ZNF589: variants seen among roughly 807,000 people sequenced by gnomAD.
ZNF589 encodes KRAB-zinc finger protein SZF1-1.
Under a neutral mutation model 13.6 loss-of-function variants are expected in ZNF589, and 17 were observed. The observed-to-expected ratio is 1.25, with a 90% confidence interval of 0.86 to 1.88. ZNF589 has a LOEUF of 1.88. Among genes scored for constraint, ZNF589 ranks in the 40% most tolerant of loss-of-function variants. ZNF589 has a pLI of 0.00. For missense variants in ZNF589, 407 were observed against 434.0 expected (o/e 0.94, Z 0.55); for synonymous variants, 148 against 161.6 (o/e 0.92, Z 0.64).
rs550291779 is a variant in ZNF589, at chr3:48,244,147, A to AT, written c.43+2940dup. 2.0e-3 allele frequency among the ~76,000 whole-genome samples: 308 copies of AT among 152,048 alleles called. 3 individuals are homozygous for AT. Among genetic ancestry groups the AT allele is most frequent in the African/African-American group, 6.9e-3 (286 of 41,452 alleles). ...TGTGTGAGGTTACTCTGTGTCCCTC[A>AT]TTTTTTTCCCACCTGCTCAGTGGGA... On this transcript the variant is annotated intron_variant, in intron 1 of 3. Transcript: ENST00000354698.
intron 3 of ZNF589, among the ~76,000 whole-genome samples, chr3:48,262,574 C>T (rs1327975590): frequency 6.6e-6 from 1 of 152,106 alleles, no homozygotes; most frequent in South Asian, 2.1e-4. Flanking sequence ...AACACCTAGT[C>T]CATGTTCAAA....
chr3:48,241,773 G>A (rs1320785599), intron 1 of ZNF589, among the ~76,000 whole-genome samples: 2 of 151,792 alleles, frequency 1.3e-5, no homozygotes, highest in East Asian at 3.9e-4. Flanking sequence ...CTCGTGATCC[G>A]CCCACCTCGG....
At chr3:48,256,926 C>T (rs1254305953) in intron 2 of ZNF589, 2 of 688,122 alleles carry the variant, frequency 2.9e-6, no homozygotes, top group Non-Finnish European at 2.6e-6. Context: ...ACCAGAGCCT[C>T]AAAGGCCGCC....
Position 48,270,256 on chromosome 3 carries a change from C to G in ZNF589, c.*1470C>G, listed in dbSNP as rs1250905135. ...TTACCAGGTCCCCTTCCTAACCCTC[C>G]AGTCCCAAATCCAAGATTCTTTAAC... On this transcript the variant is annotated 3_prime_UTR_variant, in exon 4 of 4. Transcript: ENST00000354698. The G allele has an allele frequency of 2.2e-6, 1 of 457,006 alleles. No individual in the cohort carries two copies. The highest frequency in any genetic ancestry group is 2.3e-5 in the Admixed American group (1 of 42,554). 28.3% of individuals were successfully genotyped at this position (457,006 alleles called of 1,614,324 possible).
chr3:48,247,221 G>T (rs1457905728), intron 1 of ZNF589, among the ~76,000 whole-genome samples: 1 of 151,610 alleles, frequency 6.6e-6, no homozygotes, highest in Non-Finnish European at 1.5e-5. Context: ...TCATCTGCCT[G>T]CCTCGGCCTC....
At chr3:48,248,926 G>A (rs750472297) in intron 2 of ZNF589, among the ~76,000 whole-genome samples, 5 of 152,096 alleles carry the variant, frequency 3.3e-5, no homozygotes, top group Non-Finnish European at 5.9e-5. Flanking sequence ...GACATAGTAG[G>A]CACACCATTC....
Position 48,270,495 on chromosome 3 carries a change from C to T in ZNF589, c.*1709C>T, listed in dbSNP as rs2034078426. ...TTACATCCAGGAATGGTGCCAGGGC[C>T]TTTAGCCATTTGTCTCTCCTCACAC... On this transcript the variant is annotated 3_prime_UTR_variant, in exon 4 of 4. Transcript: ENST00000354698. 1 of 353,006 alleles carries T rather than the reference C, an allele frequency of 2.8e-6. No individual in the cohort carries two copies. The highest frequency in any genetic ancestry group is 5.5e-6 in the Non-Finnish European group (1 of 180,264). The allele number at this position is 353,006 out of a possible 1,614,324, so 21.9% of individuals were successfully genotyped here.
At chr3:48,244,391 A>G (rs1239425164) in intron 1 of ZNF589, among the ~76,000 whole-genome samples, 1 of 152,154 alleles carries the variant, frequency 6.6e-6, no homozygotes, top group Non-Finnish European at 1.5e-5. Flanking sequence ...AGTAACTTGG[A>G]AAATTACCCC....
rs1473265517 is a variant in ZNF589, at chr3:48,268,448, T to C, written c.757T>C (p.Cys253Arg). ...DKRQSQVCRE[C>R]GRGFSRKSQL... ...AAGGCAGTCACAGGTGTGCAGGGAG[T>C]GTGGGCGAGGCTTTAGCAGGAAGTC... The change falls in exon 4 of 4, where the codon TGT (cysteine) becomes CGT (arginine). Residue 253 changes from cysteine to arginine, a missense_variant. Cys to Arg is a radical substitution (Grantham distance 180, BLOSUM62 -3). Coordinates refer to ENST00000354698, the MANE Select transcript of ZNF589 (RefSeq NM_016089.3). 1.9e-6 allele frequency: 3 copies of C among 1,613,738 alleles called. No individual in the cohort carries two copies. The highest frequency in any genetic ancestry group is 1.3e-5 in the African/African-American group (1 of 74,792).
chr3:48,264,208 G>T (rs1248581183), intron 3 of ZNF589, among the ~76,000 whole-genome samples: 1 of 152,048 alleles, frequency 6.6e-6, no homozygotes, highest in Non-Finnish European at 1.5e-5. Flanking sequence ...TTTTTTTTAA[G>T]TTGAAGGGTC....
chr3:48,265,496 A>C (rs564289483), intron 3 of ZNF589, among the ~76,000 whole-genome samples: 2 of 151,452 alleles, frequency 1.3e-5, no homozygotes, highest in African/African-American at 4.9e-5. Flanking sequence ...TATGTTGGCC[A>C]GGCTGGTTTC....
rs567230273 is a variant in ZNF589 at position 48,256,613 on chromosome 3, C to T, written c.97-4200C>T. ...CCCCTCAATCTTGCAGTTCTCTTCC[C>T]GTCATAGGCCTGTGATCTTTCGGGG... On this transcript the variant is annotated intron_variant, in intron 2 of 3. Coordinates refer to ENST00000354698, the MANE Select transcript of ZNF589 (RefSeq NM_016089.3). 1.0e-4 allele frequency: 83 copies of T among 828,712 alleles called. 1 individual carries two copies. In the East Asian group the frequency reaches 1.7e-3, roughly 17 times the overall value. The allele number at this position is 828,712 out of a possible 1,614,324, so 51.3% of individuals were successfully genotyped here.
chr3:48,246,990 C>T (rs931057866), intron 1 of ZNF589, among the ~76,000 whole-genome samples: 23 of 150,570 alleles, frequency 1.5e-4, no homozygotes, highest in Non-Finnish European at 5.9e-5. Flanking sequence ...AAACTATTTT[C>T]GAGATGGAGT....
intron 1 of ZNF589, among the ~76,000 whole-genome samples, chr3:48,244,325 T>C (rs1007778231): frequency 6.6e-6 from 1 of 152,214 alleles, no homozygotes; most frequent in Non-Finnish European, 1.5e-5. Context: ...TCTAAAACTT[T>C]AGAACTTGAA....
chr3:48,261,896 T>C (rs2033971974), intron 3 of ZNF589, among the ~76,000 whole-genome samples: 1 of 152,248 alleles, frequency 6.6e-6, no homozygotes, highest in Admixed American at 6.5e-5. Context: ...TGATTTGGTC[T>C]TGTTTCATCT....
In ZNF589 at chr3:48,247,605, T is replaced by C; in HGVS notation, c.44-20T>C. On this transcript the variant is annotated intron_variant, in intron 1 of 3. Transcript: ENST00000354698. ...GCCTGGTAGGGCTGGCTTCTCAAGG[T>C]TGCTTCTTTCTTTCCCCAGCTCTGC... is the stretch of plus-strand genomic sequence containing the variant. 6.2e-7 allele frequency: 1 copy of C among 1,610,950 alleles called. No homozygotes were observed. Among genetic ancestry groups the C allele is most frequent in the East Asian group, 2.2e-5 (1 of 44,794 alleles).
chr3:48,263,490 C>T (rs1313223238), intron 3 of ZNF589, among the ~76,000 whole-genome samples: 1 of 152,118 alleles, frequency 6.6e-6, no homozygotes, highest in East Asian at 1.9e-4. Flanking sequence ...TGCCTGTAAT[C>T]CCAGCACTTT....
chr3:48,243,631 G>T (rs2033727712), intron 1 of ZNF589, among the ~76,000 whole-genome samples: 1 of 152,092 alleles, frequency 6.6e-6, no homozygotes, highest in Non-Finnish European at 1.5e-5. Context: ...GGCCAACATA[G>T]TGAACCTCTA....
At chr3:48,254,920 CTG>C (rs1299176983) in intron 2 of ZNF589, among the ~76,000 whole-genome samples, 4 of 151,654 alleles carry the variant, frequency 2.6e-5, no homozygotes, top group African/African-American at 7.3e-5. Flanking sequence ...GTCATGTCAT[CTG>C]TGAACAAAGA....
Sources: allele counts gnomAD v4.1 joint callset (sites outside exome capture counted in the v4.1 genomes callset), GRCh38; gene constraint gnomAD v4.1.1; transcripts MANE v1.5; gene names NCBI Gene and HGNC (gene_info 2026-07-23, HGNC 2026-07-21).